The following RGS8 variants were observed in gnomAD, a reference collection of about 807,000 sequenced individuals.
RGS8 encodes regulator of G-protein signaling 8.
RGS8 carries 8 observed loss-of-function variants against 21.7 expected under a neutral mutation model. The observed-to-expected ratio is 0.37, with a 90% CI of 0.22 to 0.66. RGS8 has a LOEUF of 0.66. Ranked by LOEUF, RGS8 falls within the 30% of genes least tolerant of loss-of-function variation. The pLI is 0.59. For synonymous variants in RGS8, 80 were observed against 83.6 expected (o/e 0.96, Z 0.24); for missense variants, 157 against 217.9 (o/e 0.72, Z 1.76).
At chr1:182,648,969 G>A (rs951213834) in intron 5 of RGS8, among the ~76,000 whole-genome samples, 4 of 152,102 alleles carry the variant, frequency 2.6e-5, no homozygotes, top group Admixed American at 2.6e-4. Flanking sequence ...GTGTGGTGGT[G>A]CATGCTTGTA....
the RGS8 span, among the ~76,000 whole-genome samples, chr1:182,696,781 C>G: frequency 2.6e-5 from 4 of 152,162 alleles, no homozygotes; most frequent in African/African-American, 9.7e-5. Flanking sequence ...GATCATGAAT[C>G]TCTGAGTCAT....
rs754722369 is a variant in RGS8 at position 182,648,346 on chromosome 1, CTTAAGT to C, written c.194-49_194-44del. 6 of 1,595,834 alleles carry C rather than the reference CTTAAGT, an allele frequency of 3.8e-6. No homozygotes were observed. In the Admixed American group the frequency reaches 8.6e-5, roughly 23 times the overall value. On this transcript the variant is annotated intron_variant, in intron 5 of 6. Transcript: ENST00000483095. ...AGAAAAGAAGAGAGATAGGAAGCAG[CTTAAGT>C]TTAAGAACTGTAGAAGAAAGAAAGG...
At chr1:182,741,702 G>A in the RGS8 span, among the ~76,000 whole-genome samples, 1,787 of 82,402 alleles carry the variant, frequency 0.022, 5 homozygotes, top group Non-Finnish European at 0.036. Flanking sequence ...AGGGGCGGCC[G>A]GGCAGAGGCG....
At chr1:182,723,948 G>A in the RGS8 span, among the ~76,000 whole-genome samples, 13 of 151,978 alleles carry the variant, frequency 8.6e-5, no homozygotes, top group African/African-American at 3.1e-4. Context: ...TAGGTTCAGA[G>A]CAGCTCCAAG....
chr1:182,710,669 T>G, the RGS8 span, among the ~76,000 whole-genome samples: 1 of 152,028 alleles, frequency 6.6e-6, no homozygotes, highest in Non-Finnish European at 1.5e-5. Context: ...AGGAGTTGAT[T>G]TTCCGCTTTA....
intron 5 of RGS8, among the ~76,000 whole-genome samples, chr1:182,649,230 T>C (rs1319442438): frequency 1.3e-5 from 2 of 152,304 alleles, no homozygotes; most frequent in South Asian, 2.1e-4. Flanking sequence ...AATAATTTGG[T>C]CAAATTATTT....
upstream of RGS8, among the ~76,000 whole-genome samples, chr1:182,688,252 C>T (rs529835980): frequency 6.6e-6 from 1 of 152,304 alleles, no homozygotes; most frequent in South Asian, 2.1e-4. Flanking sequence ...AAATTGTAAG[C>T]TCTCTGAGAG....
chr1:182,674,949 G>A (rs1664308875), upstream of RGS8, among the ~76,000 whole-genome samples: 1 of 152,126 alleles, frequency 6.6e-6, no homozygotes. Flanking sequence ...CTCCTCTTGG[G>A]AAGCCCTGCC....
the RGS8 span, among the ~76,000 whole-genome samples, chr1:182,738,788 C>G: frequency 6.6e-6 from 1 of 152,226 alleles, no homozygotes; most frequent in African/African-American, 2.4e-5. Flanking sequence ...AAGTATGCAT[C>G]TGGGAAGCAG....
chr1:182,720,089 T>G, the RGS8 span, among the ~76,000 whole-genome samples: 2 of 152,238 alleles, frequency 1.3e-5, no homozygotes, highest in African/African-American at 4.8e-5. Flanking sequence ...AAACTTATCT[T>G]AAATATTTTA....
At chr1:182,642,973 G>A (rs1662532428), downstream of RGS8, 1 of 152,266 alleles carries the variant, frequency 6.6e-6, no homozygotes, top group South Asian at 2.1e-4. Context: ...CTTGGGTACA[G>A]AGACACAGCC....
chr1:182,669,495 G>T, intron 3 of RGS8, 129 bp downstream of exon 4: 1 of 1,355,826 alleles, frequency 7.4e-7, no homozygotes, highest in South Asian at 1.2e-5. Context: ...GGAGGCCTAT[G>T]GGGACAGATG....
the RGS8 span, among the ~76,000 whole-genome samples, chr1:182,722,392 G>A: frequency 6.7e-6 from 1 of 150,316 alleles, no homozygotes; most frequent in Admixed American, 6.6e-5. Context: ...AAAAAACTGG[G>A]TGACTCAGAA....
the RGS8 span, among the ~76,000 whole-genome samples, chr1:182,747,081 G>T: frequency 2.6e-3 from 17 of 6,474 alleles, no homozygotes; most frequent in East Asian, 4.7e-3. Flanking sequence ...TTTTTTTTTT[G>T]TAGAGATGGA....
At chr1:182,646,714 C>T (rs867632978) in exon 7 of RGS8, 1 of 1,595,390 alleles carries the variant, frequency 6.3e-7, no homozygotes, top group Non-Finnish European at 8.5e-7. Flanking sequence ...CCGGTGATTT[C>T]CAGGAGTTCC....
chr1:182,742,779 G>GAA, the RGS8 span, among the ~76,000 whole-genome samples: 2 of 152,162 alleles, frequency 1.3e-5, no homozygotes, highest in Non-Finnish European at 2.9e-5. Context: ...GACAGGGAGA[G>GAA]GGAGAGGGAC....
intron 5 of RGS8, among the ~76,000 whole-genome samples, chr1:182,653,217 C>G (rs1176732424): frequency 6.6e-6 from 1 of 152,084 alleles, no homozygotes; most frequent in Non-Finnish European, 1.5e-5. Context: ...GAAGAGTTTT[C>G]ATGGTGTGAT....
the RGS8 span, among the ~76,000 whole-genome samples, chr1:182,705,182 T>C: frequency 6.6e-6 from 1 of 152,206 alleles, no homozygotes; most frequent in South Asian, 2.1e-4. Context: ...TCCCAGAGTC[T>C]GCTGTCTGGA....
At chr1:182,741,187 AC>A in the RGS8 span, among the ~76,000 whole-genome samples, 6 of 141,056 alleles carry the variant, frequency 4.3e-5, no homozygotes, top group Admixed American at 2.1e-4. Context: ...TGGGGGGCTG[AC>A]CCCCCCACCT....
Sources: gnomAD v4.1 joint callset for allele counts (sites outside exome capture counted in the v4.1 genomes callset) on GRCh38, gnomAD v4.1.1 for gene constraint, MANE v1.5 for transcripts, NCBI Gene and HGNC (gene_info 2026-07-23, HGNC 2026-07-21) for gene names.